PRR16: variants seen among roughly 807,000 people sequenced by gnomAD.
The protein encoded by PRR16 is protein Largen.
PRR16 carries 6 observed loss-of-function variants against 18.2 expected under a neutral mutation model. That is an observed-to-expected ratio of 0.33 (90% CI 0.18 to 0.65). The LOEUF (loss-of-function observed/expected upper bound fraction) is 0.65. PRR16 is among the 30% of genes least tolerant of loss of function. The pLI is 0.74. For synonymous variants in PRR16, 151 were observed against 147.8 expected, an observed-to-expected ratio of 1.02 and a Z score of -0.16; for missense variants, 412 against 376.6, an observed-to-expected ratio of 1.09 and a Z score of -0.78.
intron 1 of PRR16, among the ~76,000 whole-genome samples, chr5:120,540,731 T>C (rs1256915671): frequency 3.3e-5 from 5 of 152,176 alleles, no homozygotes; most frequent in African/African-American, 9.7e-5. Flanking sequence ...ATCACCAAGG[T>C]CTGATTGCAA....
At chr5:120,576,706 C>A (rs1377848394) in intron 1 of PRR16, among the ~76,000 whole-genome samples, 5 of 152,122 alleles carry the variant, frequency 3.3e-5, no homozygotes, top group African/African-American at 9.7e-5. Context: ...GAGACCCAAA[C>A]TGATATCAGA....
At chr5:120,758,541 A>T in the PRR16 span, among the ~76,000 whole-genome samples, 69 of 152,044 alleles carry the variant, frequency 4.5e-4, no homozygotes, top group East Asian at 0.013. Flanking sequence ...TGAAGGGGGG[A>T]TCTGCTAGGA....
the PRR16 span, among the ~76,000 whole-genome samples, chr5:120,692,714 T>C: frequency 6.6e-6 from 1 of 152,200 alleles, no homozygotes; most frequent in Non-Finnish European, 1.5e-5. Context: ...TATTACCTAA[T>C]GTTCACTTAA....
At chr5:120,742,629 T>G in the PRR16 span, among the ~76,000 whole-genome samples, 1 of 152,170 alleles carries the variant, frequency 6.6e-6, no homozygotes, top group Non-Finnish European at 1.5e-5. Flanking sequence ...CAAAGAAAGA[T>G]TAATTTTAAA....
the PRR16 span, among the ~76,000 whole-genome samples, chr5:120,772,579 T>A: frequency 2.2e-5 from 3 of 138,542 alleles, no homozygotes; most frequent in Non-Finnish European, 4.9e-5. Context: ...GCTACTAACT[T>A]CTTTATTCTT....
downstream of PRR16, among the ~76,000 whole-genome samples, chr5:120,687,551 C>T (rs944577437): frequency 3.3e-5 from 5 of 152,192 alleles, no homozygotes; most frequent in South Asian, 1.0e-3. Flanking sequence ...AAGCCCTCCT[C>T]ATACTCAGCA....
chr5:120,549,046 A>G (rs563448206), intron 1 of PRR16, among the ~76,000 whole-genome samples: 6 of 152,088 alleles, frequency 3.9e-5, no homozygotes, highest in Non-Finnish European at 8.8e-5. Flanking sequence ...GCCATTCTAA[A>G]AGAGCATATT....
chr5:120,685,900 A>G (rs1757101796), intron 1 of PRR16, 54 bp from the exon 2 acceptor site: 2 of 1,518,722 alleles, frequency 1.3e-6, no homozygotes, highest in South Asian at 2.5e-5. Flanking sequence ...AATTGTTTCT[A>G]GTATACTTTG....
the PRR16 span, among the ~76,000 whole-genome samples, chr5:120,694,192 A>T: frequency 6.6e-6 from 1 of 152,080 alleles, no homozygotes; most frequent in Non-Finnish European, 1.5e-5. Context: ...AATATGGTGG[A>T]TTGTTTTTTA....
At chr5:120,490,067 C>A (rs1268700923) in intron 1 of PRR16, among the ~76,000 whole-genome samples, 1 of 152,186 alleles carries the variant, frequency 6.6e-6, no homozygotes, top group East Asian at 1.9e-4. Context: ...CGACCTTTCT[C>A]TCTGGCTGCC....
the PRR16 span, among the ~76,000 whole-genome samples, chr5:120,769,544 C>G: frequency 1.3e-5 from 2 of 151,794 alleles, no homozygotes; most frequent in Non-Finnish European, 2.9e-5. Context: ...GCAGAACTTC[C>G]TTTTTTTAAA....
rs369119415 is a variant in PRR16 at position 120,623,116 on chromosome 5, ACT to A, written c.160-62837_160-62836del. ...AGAATATACCACCACTTGAAAATGT[ACT>A]GTTACTACAGTTATTTTAGGATAGA... On this transcript the variant is annotated intron_variant, in intron 1 of 1. Transcript: ENST00000407149. Among the ~76,000 whole-genome samples, 676 of 152,252 alleles carry A rather than the reference ACT, an allele frequency of 4.4e-3. 5 individuals are homozygous for A. The highest frequency in any genetic ancestry group is 0.015 in the African/African-American group (629 of 41,552).
At chr5:120,782,883 C>G in the PRR16 span, among the ~76,000 whole-genome samples, 30 of 152,214 alleles carry the variant, frequency 2.0e-4, no homozygotes, top group Admixed American at 9.8e-4. Flanking sequence ...TTCAGGGTAT[C>G]AGGTGCTTAC....
chr5:120,630,310 A>G (rs1755010359), intron 1 of PRR16, among the ~76,000 whole-genome samples: 1 of 151,828 alleles, frequency 6.6e-6, no homozygotes, highest in African/African-American at 2.4e-5. Context: ...TTATTATCCT[A>G]AGTTCTTGGG....
chr5:120,627,397 A>G (rs1190357518), intron 1 of PRR16, among the ~76,000 whole-genome samples: 1 of 152,116 alleles, frequency 6.6e-6, no homozygotes, highest in Non-Finnish European at 1.5e-5. Context: ...TTATATTACT[A>G]TCATATTTTA....
chr5:120,522,526 T>G (rs1015590066), intron 1 of PRR16, among the ~76,000 whole-genome samples: 1 of 152,240 alleles, frequency 6.6e-6, no homozygotes, highest in Non-Finnish European at 1.5e-5. Context: ...GTTGTTTGAC[T>G]TTTTTCTTGT....
chr5:120,545,284 A>G (rs2112689742), intron 1 of PRR16, among the ~76,000 whole-genome samples: 1 of 152,256 alleles, frequency 6.6e-6, no homozygotes, highest in East Asian at 1.9e-4. Context: ...TTAGATAATA[A>G]TTATACGTGA....
In PRR16 at chr5:120,515,286, A is replaced by C. The variant is rs140429837; in HGVS notation, c.159+50641A>C. Among the ~76,000 whole-genome samples, 348 of 152,304 alleles carry C rather than the reference A, an allele frequency of 2.3e-3. 1 individual carries two copies. The highest frequency in any genetic ancestry group is 7.8e-3 in the African/African-American group (323 of 41,578). Reference sequence around the variant, plus strand: ...ATCTATTTATGAGGGCAGAAGCCTCATAACCCAATCACCTCTTAAAGGTCC... The same window carrying C: ...ATCTATTTATGAGGGCAGAAGCCTCCTAACCCAATCACCTCTTAAAGGTCC... On this transcript the variant is annotated intron_variant, in intron 1 of 1. Coordinates refer to ENST00000407149, the MANE Select transcript of PRR16 (RefSeq NM_001300783.2).
chr5:120,525,925 AAAC>A (rs1751331156), intron 1 of PRR16, among the ~76,000 whole-genome samples: 1 of 152,220 alleles, frequency 6.6e-6, no homozygotes, highest in Non-Finnish European at 1.5e-5. Flanking sequence ...TAAAAAGAAG[AAAC>A]AACATTTTTG....
Sources: allele counts gnomAD v4.1 joint callset (sites outside exome capture counted in the v4.1 genomes callset), GRCh38; gene constraint gnomAD v4.1.1; transcripts MANE v1.5; gene names NCBI Gene and HGNC (gene_info 2026-07-23, HGNC 2026-07-21).